The following LRRK2 variants were observed in gnomAD, a reference collection of about 807,000 sequenced individuals.
The protein encoded by LRRK2 is leucine rich repeat kinase 2.
In LRRK2, 203 loss-of-function variants were observed where a neutral mutation model predicts 302.6. The observed-to-expected ratio is 0.67, with a 90% confidence interval of 0.60 to 0.75. The LOEUF (loss-of-function observed/expected upper bound fraction) is 0.75, where lower values mean the gene tolerates loss of function less well. Among genes scored for constraint, LRRK2 ranks in the 30% least tolerant of loss-of-function variants. LRRK2 has a pLI of 0.00. For synonymous variants in LRRK2, 1,066 were observed against 1,031.9 expected (o/e 1.03, Z -0.63); for missense variants, 2,830 against 2,951.0 (o/e 0.96, Z 0.95).
chr12:40,238,134 T>C (rs1210147706), intron 5 of LRRK2, 31 bp downstream of exon 5: 7 of 1,603,728 alleles, frequency 4.4e-6, no homozygotes, highest in Non-Finnish European at 6.0e-6. Context: ...CCTTAAAGTA[T>C]ATATAAGAAA....
chr12:40,332,234 T>C (rs1263322960), intron 39 of LRRK2, among the ~76,000 whole-genome samples: 3 of 152,166 alleles, frequency 2.0e-5, no homozygotes, highest in Admixed American at 2.0e-4. Context: ...CACTTCCCCC[T>C]GAACTAAAGT....
intron 7 of LRRK2, among the ~76,000 whole-genome samples, chr12:40,243,940 TA>T (rs1258438124): frequency 2.0e-5 from 3 of 152,152 alleles, no homozygotes. Context: ...ATCTTAATCT[TA>T]TTTTTATAGA....
intron 45 of LRRK2, among the ~76,000 whole-genome samples, chr12:40,355,814 G>T (rs557134726): frequency 6.6e-6 from 1 of 152,048 alleles, no homozygotes; most frequent in Non-Finnish European, 1.5e-5. Context: ...AAAGTGCTGG[G>T]ATTACAAGTG....
Position 40,360,605 on chromosome 12 carries a change from T to C in LRRK2, c.7028+1161T>C, listed in dbSNP as rs74365883. Among the ~76,000 whole-genome samples the C allele has an allele frequency of 8.5e-3, 1,295 of 152,218 alleles. 15 individuals carry two copies. The highest frequency in any genetic ancestry group is 0.03 in the African/African-American group (1,233 of 41,542). ...TGCAGACAGAGGGACCTTTCTAAAA[T>C]GTACATCAATCTGATGCAATTTTCC... On this transcript the variant is annotated intron_variant, in intron 47 of 50. Transcript: ENST00000298910.
At position 40,253,344 on chromosome 12, in the gene LRRK2, A is replaced by T. The variant is rs561454691; in HGVS notation, c.1288+328A>T. 1.3e-3 allele frequency among the ~76,000 whole-genome samples: 205 copies of T among 152,232 alleles called. 2 individuals are homozygous for T. Among genetic ancestry groups the T allele is most frequent in the African/African-American group, 4.4e-3 (184 of 41,558 alleles). On this transcript the variant is annotated intron_variant, in intron 11 of 50. Transcript: ENST00000298910. ...TTTATTTATTCTCTTTTTTATGTTG[A>T]TACATGTGTATTCTCACATTATCAT...
chr12:40,243,435 G>A, intron 6 of LRRK2, 115 bp from the exon 7 acceptor site: 1 of 1,153,652 alleles, frequency 8.7e-7, no homozygotes, highest in Non-Finnish European at 1.3e-6. Context: ...TTTAAATTTG[G>A]AAATGCAGTC....
At chr12:40,243,892 G>C (rs1274382825) in intron 7 of LRRK2, among the ~76,000 whole-genome samples, 1 of 152,018 alleles carries the variant, frequency 6.6e-6, no homozygotes, top group Non-Finnish European at 1.5e-5. Context: ...TTTAAAAGGA[G>C]TGTCAAAAAT....
At chr12:40,284,704 A>C (rs780860289) in intron 19 of LRRK2, among the ~76,000 whole-genome samples, 1 of 151,962 alleles carries the variant, frequency 6.6e-6, no homozygotes. Flanking sequence ...CACTATTTTT[A>C]TCTTTTGAGC....
intron 44 of LRRK2, among the ~76,000 whole-genome samples, chr12:40,352,338 C>T (rs1282473350): frequency 1.3e-5 from 2 of 152,016 alleles, no homozygotes; most frequent in East Asian, 1.9e-4. Flanking sequence ...GGACATGGCT[C>T]CTAAAAGTGG....
intron 27 of LRRK2, chr12:40,304,416 A>G: frequency 2.0e-6 from 1 of 506,278 alleles, no homozygotes; most frequent in Non-Finnish European, 3.5e-6. Flanking sequence ...TCCACTAAAC[A>G]ATAAAACAAT....
At chr12:40,235,761 G>C in intron 4 of LRRK2, 47 bp downstream of exon 4, 1 of 938,346 alleles carries the variant, frequency 1.1e-6, no homozygotes. Flanking sequence ...TAAAAAAAAA[G>C]TTGATACCAT....
chr12:40,350,477 A>G (rs1231308528), intron 43 of LRRK2, among the ~76,000 whole-genome samples: 1 of 152,178 alleles, frequency 6.6e-6, no homozygotes, highest in Non-Finnish European at 1.5e-5. Context: ...TAGTTGGAAG[A>G]TTTGCCCAAG....
At position 40,257,282 on chromosome 12, in the gene LRRK2, A is replaced by G. The variant is rs201439614; in HGVS notation, c.1323A>G (p.Ile441Met). 1 of 1,590,066 alleles carries G rather than the reference A, an allele frequency of 6.3e-7. No homozygotes were observed. Among genetic ancestry groups the G allele is most frequent in the Non-Finnish European group, 8.6e-7 (1 of 1,158,456 alleles). Reference sequence around the variant, plus strand: ...GAAAAATACTGTTATCAAAAGGAATACACCTGAATGTTTTGGAGTTAATGC... The same window carrying G: ...GAAAAATACTGTTATCAAAAGGAATGCACCTGAATGTTTTGGAGTTAATGC... ...NFRKILLSKG[I>M]HLNVLELMQK... Residue 441 changes from isoleucine to methionine, a missense_variant, in exon 12 of 51, where the codon ATA becomes ATG. Transcript: ENST00000298910.
At chr12:40,291,494 G>T (rs1944158263) in intron 20 of LRRK2, among the ~76,000 whole-genome samples, 2 of 150,964 alleles carry the variant, frequency 1.3e-5, no homozygotes, top group Non-Finnish European at 3.0e-5. Flanking sequence ...GAGTTATTTA[G>T]AAGGCTGTCA....
rs199811736 is a variant in LRRK2 at position 40,232,348 on chromosome 12, T to A, written c.312T>A (p.Asp104Glu). The A allele has an allele frequency of 1.2e-6, 2 of 1,614,062 alleles. No homozygotes were observed. Among genetic ancestry groups the A allele is most frequent in the Non-Finnish European group, 1.7e-6 (2 of 1,179,960 alleles). ...GTMQSLMGPQ[D>E]VGNDWEVLGV... The stretch of plus-strand genomic sequence containing the variant: ...TGCAAAGCTTAATGGGACCCCAGGA[T>A]GTTGGAAATGATTGGGAAGTCCTTG... Residue 104 changes from aspartate (D) to glutamate (E), a missense_variant, in exon 3 of 51, where the codon GAT becomes GAA. Around this residue, in one of 3 missense-constraint regions of LRRK2, gnomAD observed 2,121 missense variants for 2,148.0 expected, o/e 0.99. Transcript: ENST00000298910.
Position 40,347,170 on chromosome 12 carries a change from G to A in LRRK2, c.6280+247G>A, listed in dbSNP as rs564050943. 7.2e-5 allele frequency among the ~76,000 whole-genome samples: 11 copies of A among 152,200 alleles called. No homozygotes were observed. The East Asian group carries it at 1.9e-3, about 27-fold the overall frequency. On this transcript the variant is annotated intron_variant, in intron 42 of 50. Transcript: ENST00000298910. ...ATATTATATTTAGAAACATAGAGAA[G>A]GAAATTGCTGTTAGAACTCCACATT...
intron 47 of LRRK2, among the ~76,000 whole-genome samples, 154 bp from the exon 48 acceptor site, chr12:40,363,248 G>C (rs1946770091): frequency 1.3e-5 from 2 of 152,050 alleles, no homozygotes; most frequent in Non-Finnish European, 2.9e-5. Context: ...ATTCAGAATG[G>C]TTAGGGAAGA....
intron 14 of LRRK2, among the ~76,000 whole-genome samples, 197 bp downstream of exon 14, chr12:40,264,098 G>A (rs954979459): frequency 6.6e-6 from 1 of 152,138 alleles, no homozygotes; most frequent in Non-Finnish European, 1.5e-5. Flanking sequence ...CCAGCTAAGT[G>A]TATTATCAAT....
chr12:40,367,430 G>A (rs1946912259), intron 50 of LRRK2: 1 of 423,270 alleles, frequency 2.4e-6, no homozygotes, highest in Non-Finnish European at 4.1e-6. Flanking sequence ...ATTAAATGTT[G>A]ATACTCTATT....
Sources: gnomAD v4.1 joint callset for allele counts (sites outside exome capture counted in the v4.1 genomes callset) on GRCh38, gnomAD v4.1.1 for gene constraint, gnomAD v4.1.1 regional missense constraint, MANE v1.5 for transcripts, NCBI Gene and HGNC (gene_info 2026-07-23, HGNC 2026-07-21) for gene names.